The following ZNF606 variants were observed in gnomAD, a reference collection of about 807,000 sequenced individuals.
The protein encoded by ZNF606 is zinc finger protein 328.
ZNF606 carries 37 observed loss-of-function variants against 74.9 expected under a neutral mutation model. The ratio of observed to expected loss-of-function variants is 0.49; its 90% CI spans 0.38 to 0.65. The LOEUF is 0.65. ZNF606 is among the 30% of genes least tolerant of loss of function. The probability of loss-of-function intolerance (pLI) is 0.00; values close to 1 mark genes in which losing one functional copy is unlikely to be tolerated. For missense variants in ZNF606, 852 were observed against 952.9 expected, an observed-to-expected ratio of 0.89 and a Z score of 1.39; for synonymous variants, 328 against 312.4, an observed-to-expected ratio of 1.05 and a Z score of -0.53.
chr19:57,999,887 G>C lies in ZNF606; in HGVS notation c.98C>G (p.Pro33Arg). The C allele has an allele frequency of 2.5e-6, 4 of 1,613,812 alleles. No individual in the cohort carries two copies. Among genetic ancestry groups the C allele is most frequent in the Non-Finnish European group, 3.4e-6 (4 of 1,180,018 alleles). The stretch of plus-strand genomic sequence containing the variant: ...CTCCACGTGCCAGGCAGGATACTGA[G>C]GACACAGAGCTAGGAAACGAGAAAA... ...VDPWASWALC[P>R]QYPAWHVEGS... Residue 33 changes from proline to arginine, a missense_variant, in exon 4 of 7, where the codon CCT (proline) becomes CGT (arginine). Physicochemically the swap from Pro to Arg is moderately radical, Grantham distance 103. This residue lies in a region of ZNF606 where 545 missense variants were observed against 542.5 expected (regional missense o/e 1.00). Transcript: ENST00000551380.
intron 4 of ZNF606, among the ~76,000 whole-genome samples, chr19:57,995,449 G>T (rs967447925): frequency 7.2e-5 from 11 of 152,050 alleles, no homozygotes; most frequent in African/African-American, 2.7e-4. Context: ...TGACTTCTCT[G>T]TATCTATCAA....
At chr19:58,001,217 T>A (rs1472150182) in intron 2 of ZNF606, 72 bp downstream of exon 2, 2 of 1,579,030 alleles carry the variant, frequency 1.3e-6, no homozygotes, top group African/African-American at 2.7e-5. Context: ...CCTCAGCCCA[T>A]CACCAGCTCT....
At chr19:57,986,385 G>C (rs1050618549) in intron 6 of ZNF606, among the ~76,000 whole-genome samples, 24 of 152,034 alleles carry the variant, frequency 1.6e-4, no homozygotes, top group African/African-American at 5.6e-4. Flanking sequence ...CTAGAAGGTT[G>C]AGACTCCAGT....
chr19:57,990,051 CAAAAAAAAAAAAAA>C (rs1159494660), intron 4 of ZNF606, among the ~76,000 whole-genome samples: 42 of 13,844 alleles, frequency 3.0e-3, no homozygotes, highest in African/African-American at 0.012. Context: ...GACTCCATCT[CAAAAAAAAAAAAAA>C]AAAAAAAAAA....
chr19:57,987,953 T>TAACCTTAGAGGC (rs1310312002), intron 6 of ZNF606, among the ~76,000 whole-genome samples: 1 of 151,970 alleles, frequency 6.6e-6, no homozygotes, highest in African/African-American at 2.4e-5. Flanking sequence ...GGATAAGAGG[T>TAACCTTAGAGGC]AACCTTAGAG....
intron 4 of ZNF606, among the ~76,000 whole-genome samples, 175 bp from the exon 5 acceptor site, chr19:57,988,896 A>C (rs116176377): frequency 0.02 from 3,049 of 152,252 alleles, 99 homozygotes; most frequent in African/African-American, 0.07. Flanking sequence ...CCAAGACCTC[A>C]TATTTGTTAT....
At position 57,988,234 on chromosome 19, in the gene ZNF606, G is replaced by C. The variant is rs1265460024; in HGVS notation, c.373C>G (p.Gln125Glu). ...EQGEEPWSVEQACPQRTCPEW... is the reference protein window; with the variant it reads ...EQGEEPWSVEEACPQRTCPEW... ...GGACAAGTGCGTTGAGGACATGCCT[G>C]CTCCACTGACCACGGCTCTTCTCCT... The change falls in exon 6 of 7, where the codon CAG (glutamine) becomes GAG (glutamate). Residue 125 changes from glutamine (Q) to glutamate (E), a missense_variant. This residue lies in a region of ZNF606 where 545 missense variants were observed against 542.5 expected (regional missense o/e 1.00). Coordinates refer to ENST00000551380, the MANE Select transcript of ZNF606 (RefSeq NM_001348022.3). 1 of 1,613,960 alleles carries C rather than the reference G, an allele frequency of 6.2e-7. No individual in the cohort carries two copies. Among genetic ancestry groups the C allele is most frequent in the East Asian group, 2.2e-5 (1 of 44,888 alleles).
At position 58,001,334 on chromosome 19, in the gene ZNF606, G is replaced by C; in HGVS notation, c.-15C>G. Reference sequence around the variant, plus strand: ...ATGGCTGCCATCCCGAGGACTGATTGACCAGGCACCTGCCCAGGAACACAG... The same window carrying C: ...ATGGCTGCCATCCCGAGGACTGATTCACCAGGCACCTGCCCAGGAACACAG... On this transcript the variant is annotated 5_prime_UTR_variant, in exon 2 of 7. Transcript: ENST00000551380. 1 of 1,614,102 alleles carries C rather than the reference G, an allele frequency of 6.2e-7. No homozygotes were observed. Among genetic ancestry groups the C allele is most frequent in the South Asian group, 1.1e-5 (1 of 91,076 alleles).
chr19:57,978,112 A>G lies in ZNF606; in HGVS notation c.*189T>C. ...AATTATCTGATTTTGAGTAAGGGCT[A>G]AATAACTGCTGAAAGCTTTTCCCTA... On this transcript the variant is annotated 3_prime_UTR_variant, in exon 7 of 7. Transcript: ENST00000551380. The surrounding 1 kb of genome is among the most constrained non-coding windows in gnomAD (Gnocchi z 4.4). 1.8e-6 allele frequency: 1 copy of G among 543,140 alleles called. No individual in the cohort carries two copies. The highest frequency in any genetic ancestry group is 3.0e-6 in the Non-Finnish European group (1 of 331,426). 33.6% of individuals were successfully genotyped at this position (543,140 alleles called of 1,614,324 possible).
At position 57,979,036 on chromosome 19, in the gene ZNF606, A is replaced by G; in HGVS notation, c.1644T>C (p.Ala548=). The change falls in exon 7 of 7, where the codon GCT becomes GCC. Residue 548 remains alanine (A), a synonymous_variant. Coordinates refer to ENST00000551380, the MANE Select transcript of ZNF606 (RefSeq NM_001348022.3). ...TACTAAGGGCTGAGTAGTCCCTAAA[A>G]GCTTTTTCACATTCATCACATTTAA... The part of the protein sequence containing the change: ...KPFKCDECEK[A]FRDYSALSKH... 1 of 1,611,738 alleles carries G rather than the reference A, an allele frequency of 6.2e-7. No individual in the cohort carries two copies. The highest frequency in any genetic ancestry group is 1.1e-5 in the South Asian group (1 of 90,914).
At chr19:57,986,326 C>A (rs1397058098) in intron 6 of ZNF606, among the ~76,000 whole-genome samples, 1 of 152,022 alleles carries the variant, frequency 6.6e-6, no homozygotes, top group East Asian at 1.9e-4. Flanking sequence ...GTTGTGTGCA[C>A]CTATAGTCCC....
At chr19:58,003,300 G>A (rs2073473846), upstream of ZNF606, 1 of 456,636 alleles carries the variant, frequency 2.2e-6, no homozygotes, top group African/African-American at 2.0e-5. Flanking sequence ...CCAGAGGCCA[G>A]GCTTTATGGG....
Position 57,988,663 on chromosome 19 carries a change from AG to A in ZNF606, c.235del (p.Leu79TrpfsTer12). 6.2e-7 allele frequency: 1 copy of A among 1,614,180 alleles called. No individual in the cohort carries two copies. Among genetic ancestry groups the A allele is most frequent in the Non-Finnish European group, 8.5e-7 (1 of 1,180,036 alleles). On this transcript the variant is annotated frameshift_variant, in exon 5 of 7. Coordinates refer to ENST00000551380, the MANE Select transcript of ZNF606 (RefSeq NM_001348022.3). LOFTEE classifies it high-confidence loss of function. ...GTACAGGGTCCTCTGAACAAGGTCC[AG>A]CTGCCCCCACTCTTCTTGGGTGAAG... Reference protein sequence around the residue: ...VDFTQEEWGQLDLVQRTLYRD... With the variant: ...VDFTQEEWGQXDLVQRTLYRD...
chr19:57,980,357 C>T lies in ZNF606; in HGVS notation c.401-78G>A, dbSNP rs1477918054. The T allele has an allele frequency of 3.5e-6, 5 of 1,422,404 alleles. No homozygotes were observed. The East Asian group carries it at 9.2e-5, about 26-fold the overall frequency. 88.1% of individuals were successfully genotyped at this position (1,422,404 alleles called of 1,614,324 possible). ...AAGTGGGAATGGTGAGATTTACTGT[C>T]CATATTATCAAAAACACTAGTATAA... is the stretch of plus-strand genomic sequence containing the variant. On this transcript the variant is annotated intron_variant, in intron 6 of 6. Coordinates refer to ENST00000551380, the MANE Select transcript of ZNF606 (RefSeq NM_001348022.3).
intron 6 of ZNF606, among the ~76,000 whole-genome samples, 190 bp downstream of exon 6, chr19:57,988,017 G>A (rs999662772): frequency 2.0e-5 from 3 of 152,178 alleles, no homozygotes; most frequent in Non-Finnish European, 4.4e-5. Context: ...AGCCGACAGC[G>A]AGGGAAAATG....
chr19:57,994,886 C>A (rs1275741965), intron 4 of ZNF606, among the ~76,000 whole-genome samples: 1 of 152,056 alleles, frequency 6.6e-6, no homozygotes, highest in East Asian at 1.9e-4. Context: ...ACTAGTAACA[C>A]TGAAAGTATA....
At chr19:57,985,270 A>G (rs1339403179) in intron 6 of ZNF606, among the ~76,000 whole-genome samples, 2 of 152,240 alleles carry the variant, frequency 1.3e-5, no homozygotes, top group Non-Finnish European at 2.9e-5. Flanking sequence ...CAGCCTTGGA[A>G]AAATGACAGC....
chr19:57,995,342 G>C (rs992611828), intron 4 of ZNF606, among the ~76,000 whole-genome samples: 1 of 152,032 alleles, frequency 6.6e-6, no homozygotes, highest in African/African-American at 2.4e-5. Flanking sequence ...AAACAATGGG[G>C]GAAAGAGGAA....
chr19:57,998,994 C>G (rs1218238333), intron 4 of ZNF606: 2 of 152,546 alleles, frequency 1.3e-5, no homozygotes, highest in African/African-American at 4.8e-5. Context: ...CATTTTGGAC[C>G]CTGGTGCCGC....
Sources: gnomAD v4.1 joint callset for allele counts (sites outside exome capture counted in the v4.1 genomes callset) on GRCh38, gnomAD v4.1.1 for gene constraint, gnomAD v4.1.1 regional missense constraint, Gnocchi (gnomAD v3.1) non-coding constraint, MANE v1.5 for transcripts, NCBI Gene and HGNC (gene_info 2026-07-23, HGNC 2026-07-21) for gene names.